Variants in GRM7 observed in about 807,000 individuals in gnomAD.
GRM7 encodes metabotropic glutamate receptor 7.
Under a neutral mutation model 84.5 loss-of-function variants are expected in GRM7, and 35 were observed. That is an observed-to-expected ratio of 0.41 (90% CI 0.32 to 0.55). The LOEUF (loss-of-function observed/expected upper bound fraction) is 0.55. Ranked by LOEUF, GRM7 falls within the 20% of genes least tolerant of loss-of-function variation. The probability of loss-of-function intolerance (pLI) is 0.19; values close to 1 mark genes in which losing one functional copy is unlikely to be tolerated. For synonymous variants in GRM7, 487 were observed against 455.1 expected (o/e 1.07, Z -0.89); for missense variants, 1,003 against 1,194.6 (o/e 0.84, Z 2.36).
chr3:7,421,692 G>A (rs1696400306), intron 5 of GRM7, among the ~76,000 whole-genome samples: 1 of 151,540 alleles, frequency 6.6e-6, no homozygotes, highest in Non-Finnish European at 1.5e-5. Flanking sequence ...CTGCAGCATG[G>A]ACTCTTGGTC....
chr3:7,234,265 G>A (rs1697281368), intron 2 of GRM7, among the ~76,000 whole-genome samples: 1 of 152,194 alleles, frequency 6.6e-6, no homozygotes, highest in African/African-American at 2.4e-5. Context: ...TGGAAAACAT[G>A]TACCTGTCTC....
intron 2 of GRM7, among the ~76,000 whole-genome samples, chr3:7,192,802 G>T (rs940752304): frequency 6.6e-6 from 1 of 152,012 alleles, no homozygotes; most frequent in Admixed American, 6.6e-5. Flanking sequence ...ATGACATTTT[G>T]TACTGAGTGC....
At chr3:6,909,636 A>G (rs1034082951) in intron 1 of GRM7, among the ~76,000 whole-genome samples, 3 of 152,064 alleles carry the variant, frequency 2.0e-5, no homozygotes, top group Non-Finnish European at 4.4e-5. Flanking sequence ...AAAAGAAATG[A>G]TTTAAGTCAG....
intron 8 of GRM7, among the ~76,000 whole-genome samples, chr3:7,670,879 T>A (rs1280327936): frequency 2.6e-5 from 4 of 152,174 alleles, no homozygotes; most frequent in Non-Finnish European, 5.9e-5. Flanking sequence ...TTTTGATGAA[T>A]ATGGCAGAGG....
At chr3:7,581,110 T>C (rs1221923653) in intron 8 of GRM7, among the ~76,000 whole-genome samples, 2 of 152,124 alleles carry the variant, frequency 1.3e-5, no homozygotes, top group Non-Finnish European at 2.9e-5. Flanking sequence ...TATAGATGAG[T>C]CTGATTGCAA....
intron 1 of GRM7, among the ~76,000 whole-genome samples, chr3:6,961,662 C>A (rs570730687): frequency 3.8e-4 from 58 of 152,244 alleles, no homozygotes; most frequent in African/African-American, 1.0e-3. Context: ...TAGACACAAT[C>A]AAAAGAAAAC....
intron 8 of GRM7, among the ~76,000 whole-genome samples, chr3:7,658,565 A>G (rs367977521): frequency 5.9e-5 from 9 of 152,334 alleles, no homozygotes; most frequent in East Asian, 5.8e-4. Context: ...CTCACAGTCA[A>G]TTTTTAGAGA....
intron 9 of GRM7, among the ~76,000 whole-genome samples, chr3:7,691,963 GTTTTA>G (rs928462001): frequency 6.6e-6 from 1 of 152,052 alleles, no homozygotes; most frequent in African/African-American, 2.4e-5. Flanking sequence ...CCGGCCCTGT[GTTTTA>G]TTTTAACTGG....
intron 2 of GRM7, among the ~76,000 whole-genome samples, chr3:7,161,274 G>A (rs113371195): frequency 1.1e-4 from 17 of 151,990 alleles, no homozygotes; most frequent in African/African-American, 4.1e-4. Flanking sequence ...TCTCTACCCT[G>A]CTCCAAGTAT....
chr3:7,308,205 A>G (rs1047579559), intron 4 of GRM7, among the ~76,000 whole-genome samples: 10 of 152,114 alleles, frequency 6.6e-5, no homozygotes, highest in Non-Finnish European at 7.3e-5. Flanking sequence ...CCTCTTCTAG[A>G]GTACTAATCA....
At chr3:7,109,101 T>C (rs1315124985) in intron 1 of GRM7, among the ~76,000 whole-genome samples, 1 of 152,068 alleles carries the variant, frequency 6.6e-6, no homozygotes, top group Non-Finnish European at 1.5e-5. Flanking sequence ...TAAAAGAGGC[T>C]GATATGAAAT....
At chr3:7,414,137 AT>A (rs1696059950) in intron 4 of GRM7, among the ~76,000 whole-genome samples, 1 of 152,166 alleles carries the variant, frequency 6.6e-6, no homozygotes, top group African/African-American at 2.4e-5. Flanking sequence ...TGATTATTCC[AT>A]TTTTATGGCC....
chr3:6,868,565 A>T (rs1221766527), intron 1 of GRM7, among the ~76,000 whole-genome samples: 6 of 152,278 alleles, frequency 3.9e-5, no homozygotes, highest in South Asian at 2.1e-4. Flanking sequence ...ATGAGAAAAG[A>T]TGTTTCATCT....
At chr3:7,043,755 TA>T (rs1288167299) in intron 1 of GRM7, among the ~76,000 whole-genome samples, 3 of 152,168 alleles carry the variant, frequency 2.0e-5, no homozygotes, top group African/African-American at 4.8e-5. Flanking sequence ...CATCAATTTT[TA>T]AAAAATGAAT....
At chr3:7,087,203 G>A (rs1288412876) in intron 1 of GRM7, among the ~76,000 whole-genome samples, 1 of 152,026 alleles carries the variant, frequency 6.6e-6, no homozygotes, top group Non-Finnish European at 1.5e-5. Flanking sequence ...TATTATTCTT[G>A]GATTGCTAGA....
intron 4 of GRM7, among the ~76,000 whole-genome samples, chr3:7,371,630 G>T (rs34112365): frequency 6.6e-6 from 1 of 151,930 alleles, no homozygotes. Context: ...AATGATGTAC[G>T]TTCTGTGAAT....
chr3:7,678,812 T>G (rs773610155), intron 8 of GRM7, among the ~76,000 whole-genome samples: 28 of 152,166 alleles, frequency 1.8e-4, no homozygotes, highest in Admixed American at 3.9e-4. Flanking sequence ...ATCAGAAATG[T>G]CCAGGCAGCC....
chr3:7,440,454 C>A (rs144224216), intron 5 of GRM7, among the ~76,000 whole-genome samples: 158 of 152,222 alleles, frequency 1.0e-3, no homozygotes, highest in Non-Finnish European at 2.0e-3. Context: ...GTCCAATATA[C>A]CCATAAGACA....
At chr3:7,613,046 T>A (rs1043183333) in intron 8 of GRM7, among the ~76,000 whole-genome samples, 4 of 151,900 alleles carry the variant, frequency 2.6e-5, no homozygotes, top group Admixed American at 2.0e-4. Context: ...TTTTTTTTTT[T>A]AACATATTTA....
Sources: allele counts gnomAD v4.1 joint callset (sites outside exome capture counted in the v4.1 genomes callset), GRCh38; gene constraint gnomAD v4.1.1; transcripts MANE v1.5; gene names NCBI Gene and HGNC (gene_info 2026-07-23, HGNC 2026-07-21).